Variants in STIM2 observed in about 807,000 individuals in gnomAD.
The protein encoded by STIM2 is stromal interaction molecule 2.
In STIM2, 31 loss-of-function variants were observed where a neutral mutation model predicts 85.8. The observed-to-expected ratio is 0.36, with a 90% CI of 0.27 to 0.49. STIM2 has a LOEUF of 0.49. STIM2 is among the 20% of genes least tolerant of loss of function. The probability of loss-of-function intolerance (pLI) is 0.98; values close to 1 mark genes in which losing one functional copy is unlikely to be tolerated. For missense variants in STIM2, 841 were observed against 927.6 expected (o/e 0.91, Z 1.21); for synonymous variants, 356 against 331.1 (o/e 1.08, Z -0.82).
intron 2 of STIM2, among the ~76,000 whole-genome samples, chr4:26,954,796 C>A (rs904098784): frequency 6.8e-6 from 1 of 147,924 alleles, no homozygotes; most frequent in Non-Finnish European, 1.5e-5. Flanking sequence ...TTTCTAGTCA[C>A]ATTCCGTGAT....
At chr4:26,930,246 A>C (rs747936880) in intron 2 of STIM2, among the ~76,000 whole-genome samples, 6 of 152,154 alleles carry the variant, frequency 3.9e-5, no homozygotes, top group Non-Finnish European at 8.8e-5. Flanking sequence ...AAGAGAAATT[A>C]ATGGTTTTGT....
At chr4:26,913,877 A>G (rs980695052) in intron 1 of STIM2, among the ~76,000 whole-genome samples, 24 of 152,216 alleles carry the variant, frequency 1.6e-4, no homozygotes, top group Non-Finnish European at 3.2e-4. Flanking sequence ...TTATGGCGGG[A>G]GAGTTAGTAA....
At position 26,861,156 on chromosome 4, in the gene STIM2, C is replaced by T. The variant is rs751823411; in HGVS notation, c.-63C>T. 12 of 1,330,490 alleles carry T rather than the reference C, an allele frequency of 9.0e-6. No individual in the cohort carries two copies. The highest frequency in any genetic ancestry group is 4.6e-5 in the African/African-American group (3 of 65,864). 82.4% of individuals were successfully genotyped at this position (1,330,490 alleles called of 1,614,324 possible). A position where few individuals can be genotyped will look rare whatever the true frequency, so the allele number is the denominator to read the frequency against. ...TCACCCGGCTTCTCCTCGGCGCCTT[C>T]ATCCCGCCTCGACTCCTGGCCCAGC... On this transcript the variant is annotated 5_prime_UTR_variant, in exon 1 of 12. Transcript: ENST00000467087.
chr4:26,882,647 G>A (rs891071981), intron 1 of STIM2, among the ~76,000 whole-genome samples: 1 of 150,630 alleles, frequency 6.6e-6, no homozygotes, highest in Non-Finnish European at 1.5e-5. Flanking sequence ...TTTTTTGTAG[G>A]GACAGGATCT....
At chr4:26,928,248 G>C (rs1725059081) in intron 2 of STIM2, among the ~76,000 whole-genome samples, 1 of 152,066 alleles carries the variant, frequency 6.6e-6, no homozygotes, top group Non-Finnish European at 1.5e-5. Context: ...TGCCACAATG[G>C]CAAATTTCAA....
rs1291585192 is a variant in STIM2, at chr4:27,018,003, C to G, written c.1763+19C>G. The G allele has an allele frequency of 6.2e-7, 1 of 1,612,432 alleles. No homozygotes were observed. The highest frequency in any genetic ancestry group is 8.5e-7 in the Non-Finnish European group (1 of 1,178,816). On this transcript the variant is annotated intron_variant, in intron 11 of 11. Transcript: ENST00000467087. Reference sequence around the variant, plus strand: ...AGCAATGGTATTGGCAGTGAATAATCTACAGGGCATGTTGGGGCTGGGTTG... The same window carrying G: ...AGCAATGGTATTGGCAGTGAATAATGTACAGGGCATGTTGGGGCTGGGTTG...
chr4:26,904,246 G>A (rs1176293384), intron 1 of STIM2, among the ~76,000 whole-genome samples: 1 of 151,714 alleles, frequency 6.6e-6, no homozygotes, highest in African/African-American at 2.4e-5. Flanking sequence ...TTGTTTCTTT[G>A]TTTTGTTTTT....
chr4:26,939,227 C>A lies in STIM2; in HGVS notation c.283-18385C>A, dbSNP rs144503989. ...TCATCTAAACTCGTGAGAACTATTC[C>A]TATTTGACACGGTCCATCTTAAGGA... On this transcript the variant is annotated intron_variant, in intron 2 of 11. Transcript: ENST00000467087. Among the ~76,000 whole-genome samples the A allele has an allele frequency of 1.4e-4, 22 of 152,222 alleles. No homozygotes were observed. The East Asian group carries it at 4.1e-3, about 28-fold the overall frequency.
intron 3 of STIM2, among the ~76,000 whole-genome samples, chr4:26,979,120 C>G (rs1727295204): frequency 6.6e-6 from 1 of 152,152 alleles, no homozygotes; most frequent in African/African-American, 2.4e-5. Flanking sequence ...CTGAAAACTT[C>G]CAAAATCTTC....
intron 1 of STIM2, among the ~76,000 whole-genome samples, chr4:26,906,581 A>G (rs1724134155): frequency 1.3e-5 from 2 of 152,056 alleles, no homozygotes; most frequent in South Asian, 2.1e-4. Flanking sequence ...TAAAAAATAT[A>G]AAATGTTAGT....
chr4:26,902,271 T>C (rs2109053035), intron 1 of STIM2, among the ~76,000 whole-genome samples: 1 of 152,288 alleles, frequency 6.6e-6, no homozygotes, highest in African/African-American at 2.4e-5. Flanking sequence ...GGCTTTGAAC[T>C]TTTAATAATT....
At chr4:27,016,990 C>CTTTTGTTCTG (rs1187651538) in intron 10 of STIM2, among the ~76,000 whole-genome samples, 2 of 152,166 alleles carry the variant, frequency 1.3e-5, no homozygotes, top group African/African-American at 4.8e-5. Context: ...GCATCTGAAC[C>CTTTTGTTCTG]ATGCAGGAGC....
At chr4:26,934,913 CAAAAAAAAAAAA>C (rs1160656482) in intron 2 of STIM2, among the ~76,000 whole-genome samples, 1 of 57,606 alleles carries the variant, frequency 1.7e-5, no homozygotes, top group Non-Finnish European at 3.5e-5. Context: ...AACTCCATCT[CAAAAAAAAAAAA>C]AAAAAAAAAA....
rs1727923560 is a variant in STIM2, at chr4:26,995,497, C to T, written c.509+7C>T. ...AAGGAACGACACTTCCCAGGTGAGT[C>T]TTTGTTATGCAAATGTATTTTCCAC... On this transcript the variant is annotated splice_region_variant and intron_variant, in intron 4 of 11. Coordinates refer to ENST00000467087, the MANE Select transcript of STIM2 (RefSeq NM_020860.4). 6.5e-7 allele frequency: 1 copy of T among 1,546,508 alleles called. No individual in the cohort carries two copies.
chr4:26,886,242 T>G (rs1723246486), intron 1 of STIM2, among the ~76,000 whole-genome samples: 1 of 152,154 alleles, frequency 6.6e-6, no homozygotes, highest in African/African-American at 2.4e-5. Flanking sequence ...ACTGAGAAGA[T>G]TGTTTGAAAT....
intron 2 of STIM2, among the ~76,000 whole-genome samples, chr4:26,948,497 G>A (rs185557361): frequency 1.1e-4 from 17 of 152,270 alleles, no homozygotes; most frequent in Admixed American, 7.2e-4. Context: ...GCACAGTGGC[G>A]TACGCCTGAA....
rs566473181 is a variant in STIM2, at chr4:26,914,441, T to C, written c.152-5063T>C. ...TAAATGTCACTTTCTCTTTGAAGCC[T>C]TTCTTGCTGTGCATGTAGACATGAC... On this transcript the variant is annotated intron_variant, in intron 1 of 11. Coordinates refer to ENST00000467087, the MANE Select transcript of STIM2 (RefSeq NM_020860.4). 2.6e-5 allele frequency among the ~76,000 whole-genome samples: 4 copies of C among 152,358 alleles called. No homozygotes were observed. In the East Asian group the frequency reaches 7.7e-4, roughly 29 times the overall value.
intron 10 of STIM2, among the ~76,000 whole-genome samples, chr4:27,017,410 A>G (rs1728765499): frequency 6.6e-6 from 1 of 152,172 alleles, no homozygotes; most frequent in Non-Finnish European, 1.5e-5. Flanking sequence ...TTAAATTTAA[A>G]GATTTGTTGT....
intron 3 of STIM2, among the ~76,000 whole-genome samples, chr4:26,963,616 A>G (rs918979949): frequency 1.1e-4 from 17 of 152,242 alleles, no homozygotes; most frequent in Non-Finnish European, 2.2e-4. Flanking sequence ...GCATGTATGC[A>G]GATGAAATGT....
Sources: allele counts gnomAD v4.1 joint callset (sites outside exome capture counted in the v4.1 genomes callset), GRCh38; gene constraint gnomAD v4.1.1; transcripts MANE v1.5; gene names NCBI Gene and HGNC (gene_info 2026-07-23, HGNC 2026-07-21).